The following GRAMD1C variants were observed in gnomAD, a reference collection of about 807,000 sequenced individuals.
GRAMD1C encodes GRAM domain containing 1C, also known as protein Aster-C.
Under a neutral mutation model 97.8 loss-of-function variants are expected in GRAMD1C, and 89 were observed. That is an observed-to-expected ratio of 0.91 (90% CI 0.77 to 1.09). The LOEUF (loss-of-function observed/expected upper bound fraction) is 1.09. Ranked by LOEUF, GRAMD1C falls within the 50% of genes least tolerant of loss-of-function variation. The pLI, the probability that GRAMD1C is intolerant of heterozygous loss-of-function variation, is 0.00. For missense variants in GRAMD1C, 740 were observed against 766.4 expected (o/e 0.97, Z 0.41); for synonymous variants, 256 against 267.0 (o/e 0.96, Z 0.40).
At chr3:113,920,330 A>T (rs1489846408) in intron 10 of GRAMD1C, 1 of 374,538 alleles carries the variant, frequency 2.7e-6, no homozygotes, top group Non-Finnish European at 4.8e-6. Flanking sequence ...GTCTTCCTTT[A>T]TCTTACAGTG....
intron 10 of GRAMD1C, among the ~76,000 whole-genome samples, chr3:113,921,025 G>A (rs1480382203): frequency 1.3e-5 from 2 of 152,142 alleles, no homozygotes; most frequent in African/African-American, 4.8e-5. Context: ...TAATAAGCAT[G>A]GTACCCAATA....
chr3:113,908,991 C>A lies in GRAMD1C; in HGVS notation c.823C>A (p.Gln275Lys). 1 of 1,577,010 alleles carries A rather than the reference C, an allele frequency of 6.3e-7. No individual in the cohort carries two copies. The highest frequency in any genetic ancestry group is 1.2e-5 in the South Asian group (1 of 83,772). ...CAAAGAGGAGTCCCAAAATGAGAAA[C>A]AGACCAAAAAGAGTCTCTTACCAAC... ...LGKEESQNEKQTKKSLLPTLE... is the reference protein window; with the variant it reads ...LGKEESQNEKKTKKSLLPTLE... Residue 275 changes from glutamine (Q) to lysine (K), a missense_variant, in exon 9 of 18, where the codon CAG becomes AAG. Physicochemically the swap from Gln to Lys is moderately conservative, Grantham distance 53. Coordinates refer to ENST00000358160, the MANE Select transcript of GRAMD1C (RefSeq NM_017577.5).
chr3:113,838,615 C>G (rs1367923822), upstream of GRAMD1C: 10 of 341,532 alleles, frequency 2.9e-5, no homozygotes, highest in Non-Finnish European at 4.7e-5. Flanking sequence ...TTCACCTTTT[C>G]GCACATTGGG....
At position 113,857,751 on chromosome 3, in the gene GRAMD1C, G is replaced by C. The variant is rs564947375; in HGVS notation, c.175-11756G>C. Among the ~76,000 whole-genome samples the C allele has an allele frequency of 6.6e-5, 10 of 152,212 alleles. No individual in the cohort carries two copies. In the East Asian group the frequency reaches 1.9e-3, roughly 29 times the overall value. On this transcript the variant is annotated intron_variant, in intron 2 of 17. Coordinates refer to ENST00000358160, the MANE Select transcript of GRAMD1C (RefSeq NM_017577.5). ...GTCAAATATTATTCCTATATCAAGT[G>C]ATATGATTGTGTAATTTTTAAAAGC... is the stretch of plus-strand genomic sequence containing the variant.
intron 10 of GRAMD1C, among the ~76,000 whole-genome samples, chr3:113,921,163 T>G (rs1306650815): frequency 6.6e-6 from 1 of 152,176 alleles, no homozygotes; most frequent in Non-Finnish European, 1.5e-5. Flanking sequence ...AACGTGGTAT[T>G]TAGTTTTCTG....
intron 9 of GRAMD1C, among the ~76,000 whole-genome samples, chr3:113,911,189 C>CACACACACACACAT (rs1553723507): frequency 1.3e-5 from 2 of 150,470 alleles, no homozygotes; most frequent in Admixed American, 6.6e-5. Context: ...CACACACACA[C>CACACACACACACAT]GCACACGAGA....
chr3:113,908,924 G>T, intron 8 of GRAMD1C, 34 bp from the exon 9 acceptor site: 1 of 1,384,422 alleles, frequency 7.2e-7, no homozygotes, highest in Middle Eastern at 1.9e-4. Flanking sequence ...CTAAACCTGT[G>T]TTTTATTTTG....
intron 1 of GRAMD1C, among the ~76,000 whole-genome samples, chr3:113,832,612 G>A (rs1185521013): frequency 6.6e-6 from 1 of 151,820 alleles, no homozygotes; most frequent in Admixed American, 6.6e-5. Flanking sequence ...CCTCTTCATA[G>A]CCCCTGGAAA....
chr3:113,885,632 C>T, intron 6 of GRAMD1C: 1 of 1,498,708 alleles, frequency 6.7e-7, no homozygotes, highest in Non-Finnish European at 9.3e-7. Context: ...GTAAGAGGCC[C>T]CATGTGGATT....
At chr3:113,929,467 T>C (rs968331214) in intron 10 of GRAMD1C, among the ~76,000 whole-genome samples, 2 of 152,222 alleles carry the variant, frequency 1.3e-5, no homozygotes, top group Non-Finnish European at 2.9e-5. Context: ...CATTTATCCT[T>C]GTTGATAGTT....
intron 1 of GRAMD1C, among the ~76,000 whole-genome samples, chr3:113,833,087 A>AT (rs1163958332): frequency 7.2e-6 from 1 of 138,374 alleles, no homozygotes; most frequent in African/African-American, 2.6e-5. Context: ...TTGCCTTCAA[A>AT]TTTTTTCTTT....
In GRAMD1C at chr3:113,936,425, C is replaced by T. The variant is rs778459235; in HGVS notation, c.1616C>T (p.Ala539Val). 1.5e-5 allele frequency: 24 copies of T among 1,606,176 alleles called. No individual in the cohort carries two copies. The East Asian group carries it at 5.4e-4, about 36-fold the overall frequency. ...TCCTCTGGAGATGTGGGCTTAGGTG[C>T]CAAAGGGGATATTACAGGTAGTTGT... The part of the protein sequence containing the change: ...QHSSGDVGLG[A>V]KGDITGKKKE... The change falls in exon 14 of 18, where the codon GCC becomes GTC. Residue 539 changes from alanine (A) to valine (V), a missense_variant. Transcript: ENST00000358160.
intron 1 of GRAMD1C, among the ~76,000 whole-genome samples, chr3:113,833,120 C>CTTTTTTTTTTT (rs200062835): frequency 2.3e-5 from 3 of 129,474 alleles, no homozygotes; most frequent in South Asian, 2.4e-4. Context: ...TTCTTTCTTT[C>CTTTTTTTTTTT]TTTTTTTTTT....
At chr3:113,933,872 T>C (rs1937527667) in intron 12 of GRAMD1C, among the ~76,000 whole-genome samples, 1 of 152,256 alleles carries the variant, frequency 6.6e-6, no homozygotes, top group South Asian at 2.1e-4. Context: ...ATGTGTTGTT[T>C]CAGTTGCCAC....
At chr3:113,895,915 T>C (rs757200082) in intron 6 of GRAMD1C, among the ~76,000 whole-genome samples, 4 of 152,228 alleles carry the variant, frequency 2.6e-5, no homozygotes, top group Non-Finnish European at 4.4e-5. Context: ...ACCTGATCTG[T>C]CTTTGAGGTT....
At chr3:113,868,891 T>G (rs1379917082) in intron 2 of GRAMD1C, among the ~76,000 whole-genome samples, 1 of 152,128 alleles carries the variant, frequency 6.6e-6, no homozygotes, top group Non-Finnish European at 1.5e-5. Flanking sequence ...TGGCTTCCTC[T>G]CCTTCAAGAT....
chr3:113,937,631 A>C (rs182557629), intron 14 of GRAMD1C, among the ~76,000 whole-genome samples: 41 of 152,346 alleles, frequency 2.7e-4, no homozygotes, highest in Middle Eastern at 6.8e-3. Context: ...GGGTGCAGGG[A>C]ATTTACCCTA....
chr3:113,927,388 G>T (rs1426542093), intron 10 of GRAMD1C, among the ~76,000 whole-genome samples: 1 of 152,094 alleles, frequency 6.6e-6, no homozygotes, highest in African/African-American at 2.4e-5. Flanking sequence ...GCCATGGTTG[G>T]CAGACAGGCC....
At chr3:113,875,167 C>T (rs1428942189) in intron 3 of GRAMD1C, among the ~76,000 whole-genome samples, 2 of 152,122 alleles carry the variant, frequency 1.3e-5, no homozygotes, top group East Asian at 3.8e-4. Context: ...TCCTGATGCA[C>T]ACTCTCTGCC....
Sources: gnomAD v4.1 joint callset for allele counts (sites outside exome capture counted in the v4.1 genomes callset) on GRCh38, gnomAD v4.1.1 for gene constraint, MANE v1.5 for transcripts, NCBI Gene and HGNC (gene_info 2026-07-23, HGNC 2026-07-21) for gene names.